The following ME3 variants were observed in gnomAD, a reference collection of about 807,000 sequenced individuals.
ME3 encodes malic enzyme 3, also known as NADP-dependent malic enzyme, mitochondrial.
In ME3, 48 loss-of-function variants were observed where a neutral mutation model predicts 68.9. The observed-to-expected ratio is 0.70, with a 90% CI of 0.55 to 0.89. The LOEUF is 0.89. Ranked by LOEUF, ME3 falls within the 40% of genes least tolerant of loss-of-function variation. ME3 has a pLI of 0.00. For synonymous variants in ME3, 320 were observed against 318.8 expected (o/e 1.00, Z -0.04); for missense variants, 675 against 797.4 (o/e 0.85, Z 1.85).
chr11:86,635,853 C>A (rs186829130), intron 2 of ME3, among the ~76,000 whole-genome samples: 64 of 152,324 alleles, frequency 4.2e-4, no homozygotes, highest in African/African-American at 1.2e-3. Context: ...ACTCATCTTG[C>A]AGACAAGGAA....
intron 4 of ME3, among the ~76,000 whole-genome samples, chr11:86,528,674 A>C (rs1354480628): frequency 1.3e-5 from 2 of 152,062 alleles, no homozygotes; most frequent in Non-Finnish European, 2.9e-5. Flanking sequence ...CCACAGTGCA[A>C]TCAAACTAGA....
At chr11:86,542,257 G>C (rs1217815850) in intron 4 of ME3, among the ~76,000 whole-genome samples, 1 of 152,124 alleles carries the variant, frequency 6.6e-6, no homozygotes, top group Non-Finnish European at 1.5e-5. Context: ...TGCTCCAAAG[G>C]ATCACAACTC....
chr11:86,659,774 C>CA, intron 2 of ME3, among the ~76,000 whole-genome samples: 1 of 152,280 alleles, frequency 6.6e-6, no homozygotes, highest in South Asian at 2.1e-4. Context: ...AACTTCCTGT[C>CA]TCACTATCAG....
chr11:86,524,103 T>C (rs1247353422), intron 4 of ME3, among the ~76,000 whole-genome samples: 1 of 152,242 alleles, frequency 6.6e-6, no homozygotes, highest in African/African-American at 2.4e-5. Context: ...CTTTCTTTTA[T>C]GGCTGTGAAC....
chr11:86,507,318 T>G (rs1412239139), intron 5 of ME3, among the ~76,000 whole-genome samples: 3 of 152,210 alleles, frequency 2.0e-5, no homozygotes, highest in African/African-American at 7.2e-5. Flanking sequence ...AACTAGACTT[T>G]GAGCTCCTCA....
chr11:86,467,239 G>T (rs1460056639), intron 7 of ME3, among the ~76,000 whole-genome samples: 1 of 152,132 alleles, frequency 6.6e-6, no homozygotes, highest in African/African-American at 2.4e-5. Context: ...ACTAACTGAA[G>T]CCTGAGGGTA....
chr11:86,592,087 C>A (rs751342956), intron 2 of ME3, among the ~76,000 whole-genome samples: 2 of 152,198 alleles, frequency 1.3e-5, no homozygotes, highest in Admixed American at 6.5e-5. Flanking sequence ...AAAAAAGTCA[C>A]CACCTGAGAA....
intron 2 of ME3, among the ~76,000 whole-genome samples, chr11:86,658,787 G>A (rs1400365383): frequency 6.6e-6 from 1 of 152,138 alleles, no homozygotes; most frequent in Non-Finnish European, 1.5e-5. Flanking sequence ...CAGACATGAG[G>A]AGAAGCTGCT....
intron 5 of ME3, 38 bp from the exon 6 acceptor site, chr11:86,498,162 C>G: frequency 6.3e-7 from 1 of 1,577,968 alleles, no homozygotes; most frequent in Non-Finnish European, 8.6e-7. Context: ...AGGGACAGCA[C>G]TTCCTGTGAC....
chr11:86,487,169 T>A (rs1951742639), intron 7 of ME3, among the ~76,000 whole-genome samples, 168 bp downstream of exon 7: 1 of 152,152 alleles, frequency 6.6e-6, no homozygotes. Flanking sequence ...ATGAGCCCAT[T>A]TGGTGTCCAG....
chr11:86,620,650 C>G (rs893228744), intron 2 of ME3, among the ~76,000 whole-genome samples: 9 of 152,164 alleles, frequency 5.9e-5, no homozygotes, highest in African/African-American at 1.9e-4. Context: ...GGGAGTTTAT[C>G]TCACATTCAT....
At chr11:86,661,612 A>G (rs1946282175) in intron 2 of ME3, among the ~76,000 whole-genome samples, 1 of 152,200 alleles carries the variant, frequency 6.6e-6, no homozygotes, top group Admixed American at 6.5e-5. Flanking sequence ...TGACCTAAAT[A>G]GCTTCTCCTC....
Position 86,628,830 on chromosome 11 carries a change from A to G in ME3, c.183+42932T>C, listed in dbSNP as rs149379476. On this transcript the variant is annotated intron_variant, in intron 2 of 14. Coordinates refer to ENST00000543262, the Ensembl canonical transcript of ME3. The stretch of plus-strand genomic sequence containing the variant: ...TATGGGGCCTGTGAGCCTCAGTTTT[A>G]TAGTCCTCATTACAGAAAAGTCTAT... Among the ~76,000 whole-genome samples the G allele has an allele frequency of 2.3e-3, 348 of 152,300 alleles. 1 individual carries two copies. The highest frequency in any genetic ancestry group is 0.014 in the Middle Eastern group (4 of 294).
chr11:86,571,489 G>A (rs373455624), intron 2 of ME3, among the ~76,000 whole-genome samples: 7 of 152,354 alleles, frequency 4.6e-5, no homozygotes, highest in African/African-American at 1.4e-4. Flanking sequence ...GTCCAATGTG[G>A]TAGCCACTTA....
intron 2 of ME3, among the ~76,000 whole-genome samples, chr11:86,646,651 TC>T (rs1565264919): frequency 6.6e-6 from 1 of 152,110 alleles, no homozygotes; most frequent in East Asian, 1.9e-4. Flanking sequence ...CAGGAGAACT[TC>T]CCCAACTTAA....
intron 7 of ME3, among the ~76,000 whole-genome samples, chr11:86,476,120 C>T (rs969772717): frequency 6.6e-6 from 1 of 152,126 alleles, no homozygotes; most frequent in Non-Finnish European, 1.5e-5. Context: ...ACAGGAGAAG[C>T]TTGGAGCTAC....
intron 7 of ME3, among the ~76,000 whole-genome samples, chr11:86,480,818 C>T (rs1316426880): frequency 6.6e-6 from 1 of 152,202 alleles, no homozygotes; most frequent in African/African-American, 2.4e-5. Flanking sequence ...TAAAAGGAAG[C>T]TGCCAGAGCT....
rs549368428 is a variant in ME3, at chr11:86,633,500, T to A, written c.183+38262A>T. Among the ~76,000 whole-genome samples the A allele has an allele frequency of 2.7e-3, 416 of 152,300 alleles. 4 individuals are homozygous for A. Among genetic ancestry groups the A allele is most frequent in the Non-Finnish European group, 4.5e-3 (307 of 68,024 alleles). ...CCACATTCCACTGAGCACATTAAAA[T>A]AGCTGGAAAGTAAGGGCATGGAGGA... is the stretch of plus-strand genomic sequence containing the variant. On this transcript the variant is annotated intron_variant, in intron 2 of 14. Coordinates refer to ENST00000543262, the Ensembl canonical transcript of ME3.
At chr11:86,645,166 G>T (rs1231404542) in intron 2 of ME3, among the ~76,000 whole-genome samples, 1 of 152,162 alleles carries the variant, frequency 6.6e-6, no homozygotes, top group Non-Finnish European at 1.5e-5. Flanking sequence ...AGCTGCAGGA[G>T]TATTTTTTTT....
Sources: allele counts gnomAD v4.1 joint callset (sites outside exome capture counted in the v4.1 genomes callset), GRCh38; gene constraint gnomAD v4.1.1; transcripts MANE v1.5; gene names NCBI Gene and HGNC (gene_info 2026-07-23, HGNC 2026-07-21).